CAMKK2: variants seen among roughly 807,000 people sequenced by gnomAD.
CAMKK2 encodes the protein calcium/calmodulin dependent protein kinase kinase 2.
Under a neutral mutation model 67.2 loss-of-function variants are expected in CAMKK2, and 30 were observed. The ratio of observed to expected loss-of-function variants is 0.45; its 90% CI spans 0.33 to 0.61. The LOEUF (loss-of-function observed/expected upper bound fraction) is 0.61. Among genes scored for constraint, CAMKK2 ranks in the 20% least tolerant of loss-of-function variants. The pLI, the probability that CAMKK2 is intolerant of heterozygous loss-of-function variation, is 0.02. For synonymous variants in CAMKK2, 322 were observed against 326.2 expected (o/e 0.99, Z 0.14); for missense variants, 643 against 802.0 (o/e 0.80, Z 2.39).
intron 8 of CAMKK2, 67 bp from the exon 9 acceptor site, chr12:121,255,705 G>A (rs1892136683): frequency 2.5e-6 from 4 of 1,604,190 alleles, no homozygotes; most frequent in Non-Finnish European, 3.4e-6. Context: ...CTCATGAGCA[G>A]AGCCCAGTGG....
chr12:121,274,522 G>T lies in CAMKK2; in HGVS notation c.5C>A (p.Ser2Ter). 1 of 1,609,102 alleles carries T rather than the reference G, an allele frequency of 6.2e-7. No homozygotes were observed. The highest frequency in any genetic ancestry group is 8.5e-7 in the Non-Finnish European group (1 of 1,178,524). Residue 2 changes from serine (S) to a stop codon, truncating the protein, a stop_gained, in exon 2 of 17, where the codon TCA becomes TAA. Transcript: ENST00000404169. LOFTEE classifies it high-confidence loss of function. M[S>*]SCVSSQPSSN... ...GCTGGGCTGGCTAGAGACACATGATGACATGGTGCATGCGCCAGCTTCATC... is the reference window on the plus strand; with the variant it reads ...GCTGGGCTGGCTAGAGACACATGATTACATGGTGCATGCGCCAGCTTCATC...
chr12:121,297,648 GAGC>G (rs1901530872), upstream of CAMKK2: 1 of 517,666 alleles, frequency 1.9e-6, no homozygotes, highest in Non-Finnish European at 3.9e-6. Flanking sequence ...CTACGGGGTC[GAGC>G]GACCCAGGGG....
chr12:121,279,198 A>C (rs757621018), intron 1 of CAMKK2, among the ~76,000 whole-genome samples: 13 of 152,216 alleles, frequency 8.5e-5, no homozygotes, highest in Non-Finnish European at 1.8e-4. Context: ...GCTCTGACGG[A>C]GTCTCGGCCT....
chr12:121,289,895 A>T (rs1899643254), intron 1 of CAMKK2, among the ~76,000 whole-genome samples: 1 of 117,498 alleles, frequency 8.5e-6, no homozygotes, highest in South Asian at 2.7e-4. Flanking sequence ...CCTGTCTTTA[A>T]AAAAAAAAAA....
rs1266935364 is a variant in CAMKK2 at position 121,253,645 on chromosome 12, C to T, written c.908-173G>A. Among the ~76,000 whole-genome samples the T allele has an allele frequency of 2.0e-5, 3 of 152,136 alleles. No homozygotes were observed. Among genetic ancestry groups the T allele is most frequent in the Admixed American group, 2.0e-4 (3 of 15,272 alleles). ...CCCAAACCCGCTGGGCACTGACATG[C>T]TCTAAAAGATGAGGGGAAAAGTGTC... is the stretch of plus-strand genomic sequence containing the variant. On this transcript the variant is annotated intron_variant, in intron 9 of 16. Transcript: ENST00000404169. This position sits in a 1 kb window ranked among gnomAD's most constrained non-coding sequence, Gnocchi z 5.0.
At chr12:121,270,792 G>A (rs576610988) in intron 3 of CAMKK2, 106 bp downstream of exon 3, 19 of 792,830 alleles carry the variant, frequency 2.4e-5, no homozygotes, top group East Asian at 7.8e-5. Flanking sequence ...CACCAACCTC[G>A]CCTTCAAAGA....
chr12:121,275,952 G>A (rs552764714), intron 1 of CAMKK2, among the ~76,000 whole-genome samples: 1 of 152,154 alleles, frequency 6.6e-6, no homozygotes, highest in South Asian at 2.1e-4. Flanking sequence ...ATGAGGTCAG[G>A]AGTTCAAGGC....
In CAMKK2 at chr12:121,291,706, G is replaced by A. The variant is rs12818590; in HGVS notation, c.-60+4932C>T. On this transcript the variant is annotated intron_variant, in intron 1 of 16. Coordinates refer to ENST00000404169, the MANE Select transcript of CAMKK2 (RefSeq NM_001270485.2). ...GAAAATGCTCTGGAACTAGACAGAA[G>A]TAGTGGTTGTACAACATTATAAATG... Among the ~76,000 whole-genome samples, 1,053 of 152,226 alleles carry A rather than the reference G, an allele frequency of 6.9e-3. 7 individuals are homozygous for A. The highest frequency in any genetic ancestry group is 0.011 in the Admixed American group (173 of 15,280).
chr12:121,269,614 C>A (rs201105555), intron 3 of CAMKK2, 33 bp from the exon 4 acceptor site: 4 of 1,566,854 alleles, frequency 2.6e-6, no homozygotes, highest in African/African-American at 1.3e-5. Context: ...GACATACTAT[C>A]CAGAAGTTAA....
chr12:121,279,132 G>T (rs866096704), intron 1 of CAMKK2, among the ~76,000 whole-genome samples: 4 of 152,266 alleles, frequency 2.6e-5, no homozygotes, highest in African/African-American at 7.2e-5. Context: ...CCCCAGCAAG[G>T]CTGCTTTTAA....
At chr12:121,276,434 T>C (rs1209039445) in intron 1 of CAMKK2, among the ~76,000 whole-genome samples, 2 of 152,146 alleles carry the variant, frequency 1.3e-5, no homozygotes, top group African/African-American at 4.8e-5. Flanking sequence ...ATCGCACCAC[T>C]GCACTGCAGC....
intron 16 of CAMKK2, chr12:121,243,723 G>T: frequency 5.3e-6 from 2 of 379,510 alleles, no homozygotes; most frequent in Non-Finnish European, 7.8e-6. Flanking sequence ...TGAAAATGTC[G>T]TAAAGTTGAC....
At chr12:121,297,426 C>T (rs1359707903), upstream of CAMKK2, 1 of 363,544 alleles carries the variant, frequency 2.8e-6, no homozygotes, top group Non-Finnish European at 5.6e-6. Flanking sequence ...TCTCCCATCC[C>T]CAGCCCACCT....
At chr12:121,283,024 A>C (rs1055827771) in intron 1 of CAMKK2, among the ~76,000 whole-genome samples, 1 of 152,046 alleles carries the variant, frequency 6.6e-6, no homozygotes, top group African/African-American at 2.4e-5. Context: ...CAAAGTGCTG[A>C]GATTACAGGC....
rs1417314272 is a variant in CAMKK2 at position 121,285,411 on chromosome 12, G to A, written c.-59-10826C>T. Among the ~76,000 whole-genome samples the A allele has an allele frequency of 2.0e-5, 3 of 152,200 alleles. No individual in the cohort carries two copies. Among genetic ancestry groups the A allele is most frequent in the Admixed American group, 6.5e-5 (1 of 15,286 alleles). ...CCAGCTACTCAGGAGGCTGAGGCACGAGAATCACTTGAACCCGGGAGGGGG... is the reference window on the plus strand; with the variant it reads ...CCAGCTACTCAGGAGGCTGAGGCACAAGAATCACTTGAACCCGGGAGGGGG... On this transcript the variant is annotated intron_variant, in intron 1 of 16. Transcript: ENST00000404169. The surrounding 1 kb of genome is among the most constrained non-coding windows in gnomAD (Gnocchi z 4.1).
chr12:121,274,368 A>G lies in CAMKK2; in HGVS notation c.159T>C (p.Ile53=). ...AGCCCGGCTCACACTCGGTGACCAC[A>G]ATGAAGGACTCCATGCCCAGGTGGA... ...LSIHLGMESF[I]VVTECEPGCA... The change falls in exon 2 of 17, where the codon ATT becomes ATC. Residue 53 remains isoleucine, a synonymous_variant. Coordinates refer to ENST00000404169, the MANE Select transcript of CAMKK2 (RefSeq NM_001270485.2). 1 of 1,613,486 alleles carries G rather than the reference A, an allele frequency of 6.2e-7. No individual in the cohort carries two copies. Among genetic ancestry groups the G allele is most frequent in the Non-Finnish European group, 8.5e-7 (1 of 1,179,896 alleles).
rs1258050430 is a variant in CAMKK2 at position 121,240,588 on chromosome 12, G to A, written c.*111C>T. 5 of 1,531,270 alleles carry A rather than the reference G, an allele frequency of 3.3e-6. No individual in the cohort carries two copies. The highest frequency in any genetic ancestry group is 2.4e-5 in the South Asian group (2 of 83,614). The allele number at this position is 1,531,270 out of a possible 1,614,324, so 94.9% of individuals were successfully genotyped here. On this transcript the variant is annotated 3_prime_UTR_variant, in exon 17 of 17. Transcript: ENST00000404169. This position sits in a 1 kb window ranked among gnomAD's most constrained non-coding sequence, Gnocchi z 4.4. ...AAACAAATAACCAGAGATGACGATCGAGGCTCTACACACGTGCTGGGTTTC... is the reference window on the plus strand; with the variant it reads ...AAACAAATAACCAGAGATGACGATCAAGGCTCTACACACGTGCTGGGTTTC...
At chr12:121,284,918 C>T (rs561851725) in intron 1 of CAMKK2, among the ~76,000 whole-genome samples, 4 of 152,312 alleles carry the variant, frequency 2.6e-5, no homozygotes, top group East Asian at 1.9e-4. Context: ...GCTGAATTCC[C>T]GGGCCTAGAA....
In CAMKK2 at chr12:121,243,963, G is replaced by A. The variant is rs1063839; in HGVS notation, c.1596+610C>T. 584 of 1,464,118 alleles carry A rather than the reference G, an allele frequency of 4.0e-4. 1 individual carries two copies. The Middle Eastern group carries it at 8.5e-3, about 21-fold the overall frequency. The allele number at this position is 1,464,118 out of a possible 1,614,324, so 90.7% of individuals were successfully genotyped here. A position where few individuals can be genotyped will look rare whatever the true frequency, so the allele number is the denominator to read the frequency against. On this transcript the variant is annotated intron_variant, in intron 16 of 16. Transcript: ENST00000404169. ...CAGGGGTGCCCAGCAGGTTCTCCCAGTCTCATAAGGACACAAAGCCTCATC... is the reference window on the plus strand; with the variant it reads ...CAGGGGTGCCCAGCAGGTTCTCCCAATCTCATAAGGACACAAAGCCTCATC...
Sources: gnomAD v4.1 joint callset for allele counts (sites outside exome capture counted in the v4.1 genomes callset) on GRCh38, gnomAD v4.1.1 for gene constraint, Gnocchi (gnomAD v3.1) non-coding constraint, MANE v1.5 for transcripts, NCBI Gene and HGNC (gene_info 2026-07-23, HGNC 2026-07-21) for gene names.